The following MTA3 variants were observed in gnomAD, a reference collection of about 807,000 sequenced individuals.
MTA3 encodes the protein metastasis associated 1 family member 3.
Under a neutral mutation model 83.5 loss-of-function variants are expected in MTA3, and 34 were observed. That is an observed-to-expected ratio of 0.41 (90% confidence interval 0.31 to 0.54). The LOEUF is 0.54. MTA3 is among the 20% of genes least tolerant of loss of function. The pLI is 0.33. For synonymous variants in MTA3, 303 were observed against 252.7 expected (o/e 1.20, Z -1.89); for missense variants, 761 against 726.4 (o/e 1.05, Z -0.55).
Position 42,729,092 on chromosome 2 carries a change from T to TGTTTTTTG in MTA3, c.1759+6057_1759+6058insGTTTTTTG, listed in dbSNP as rs1553397736. On this transcript the variant is annotated intron_variant, in intron 16 of 16. Transcript: ENST00000405094. ...TATTAGTTTCACAGTTTGAGTTTTT[T>TGTTTTTTG]TTTTTTTTTTTTTTTTTTTTTCACA... 4.5e-5 allele frequency among the ~76,000 whole-genome samples: 5 copies of TGTTTTTTG among 112,316 alleles called. 1 individual carries two copies. The highest frequency in any genetic ancestry group is 1.8e-4 in the African/African-American group (5 of 27,398). The allele number at this position is 112,316 out of a possible 152,430, so 73.7% of individuals were successfully genotyped here. A position where few individuals can be genotyped will look rare whatever the true frequency, so the allele number is the denominator to read the frequency against.
rs1411157062 is a variant in MTA3 at position 42,691,853 on chromosome 2, C to T, written c.892-3912C>T. Among the ~76,000 whole-genome samples the T allele has an allele frequency of 2.6e-5, 4 of 152,194 alleles. No individual in the cohort carries two copies. The South Asian group carries it at 6.2e-4, about 24-fold the overall frequency. ...ATATGTCGTGCCACTCTCTCCTGGC[C>T]TGTAAGGTTTCCATTGAGAAGTCTG... is the stretch of plus-strand genomic sequence containing the variant. On this transcript the variant is annotated intron_variant, in intron 9 of 16. Coordinates refer to ENST00000405094, the MANE Select transcript of MTA3 (RefSeq NM_001330442.2).
chr2:42,709,327 T>A (rs1457606178), intron 14 of MTA3: 1 of 1,340,092 alleles, frequency 7.5e-7, no homozygotes, highest in Admixed American at 3.6e-5. Context: ...TACCAGAGAG[T>A]AGTGCTTAGC....
chr2:42,693,384 G>C (rs1212141703), intron 9 of MTA3, among the ~76,000 whole-genome samples: 2 of 152,214 alleles, frequency 1.3e-5, no homozygotes, highest in African/African-American at 2.4e-5. Flanking sequence ...CCAGGGATTG[G>C]AGTCAAAAAC....
intron 1 of MTA3, 81 bp downstream of exon 1, chr2:42,568,854 C>T (rs1248826599): frequency 3.3e-6 from 4 of 1,196,500 alleles, no homozygotes; most frequent in Non-Finnish European, 4.2e-6. Flanking sequence ...CGCCAACTGC[C>T]GGGAGCCAAG....
intron 4 of MTA3, among the ~76,000 whole-genome samples, chr2:42,629,825 C>A (rs1686498271): frequency 6.6e-6 from 1 of 151,990 alleles, no homozygotes; most frequent in African/African-American, 2.4e-5. Context: ...GTCTCCCAGG[C>A]TGGAGTTCAG....
chr2:42,724,336 A>ATATTCTTT (rs879913379), intron 16 of MTA3, among the ~76,000 whole-genome samples: 2 of 147,730 alleles, frequency 1.4e-5, no homozygotes, highest in Non-Finnish European at 3.0e-5. Flanking sequence ...ACACACGTAT[A>ATATTCTTT]TATTCTTTTC....
At chr2:42,500,633 T>C (rs1367862177) in intron 2 of MTA3, among the ~76,000 whole-genome samples, 1 of 151,694 alleles carries the variant, frequency 6.6e-6, no homozygotes, top group African/African-American at 2.4e-5. Flanking sequence ...AGGGGAAAAA[T>C]TTTTTCCTCT....
At chr2:42,672,890 A>G (rs1270941437) in intron 8 of MTA3, among the ~76,000 whole-genome samples, 5 of 143,326 alleles carry the variant, frequency 3.5e-5, no homozygotes, top group Admixed American at 1.5e-4. Flanking sequence ...TCTGTCACCC[A>G]GGCTGGAGTG....
At chr2:42,494,733 C>T (rs535027597) in exon 1 of MTA3, 1 of 152,600 alleles carries the variant, frequency 6.6e-6, no homozygotes, top group Non-Finnish European at 1.5e-5. Flanking sequence ...GGAGGAACGC[C>T]TTGTCACCGG....
chr2:42,505,695 T>C (rs769887267), intron 2 of MTA3, among the ~76,000 whole-genome samples: 3 of 151,986 alleles, frequency 2.0e-5, no homozygotes, highest in East Asian at 3.8e-4. Flanking sequence ...ATGTCTGATA[T>C]GTACTTCAGA....
chr2:42,748,046 T>C (rs1436502935), intron 16 of MTA3, among the ~76,000 whole-genome samples: 9 of 152,152 alleles, frequency 5.9e-5, no homozygotes, highest in Admixed American at 3.9e-4. Flanking sequence ...TTTGTTTTTT[T>C]TGAAAGGGAG....
chr2:42,745,149 A>G (rs1669318821), intron 16 of MTA3, among the ~76,000 whole-genome samples: 1 of 152,252 alleles, frequency 6.6e-6, no homozygotes, highest in Non-Finnish European at 1.5e-5. Flanking sequence ...AACTATTTAC[A>G]TATAAATGAA....
chr2:42,505,071 A>G (rs1439715790), intron 2 of MTA3, among the ~76,000 whole-genome samples: 1 of 151,892 alleles, frequency 6.6e-6, no homozygotes, highest in Non-Finnish European at 1.5e-5. Flanking sequence ...TATTACTCCC[A>G]TTTTGCAGAT....
In MTA3 at chr2:42,724,045, C is replaced by T. The variant is rs1238150746; in HGVS notation, c.1759+1010C>T. Among the ~76,000 whole-genome samples, 3 of 152,190 alleles carry T rather than the reference C, an allele frequency of 2.0e-5. No homozygotes were observed. The East Asian group carries it at 5.8e-4, about 29-fold the overall frequency. ...ACCCAGAAGTCTTACAGAAACACTTCCTTTCTAATGAGAACGTTGGCCATC... is the reference window on the plus strand; with the variant it reads ...ACCCAGAAGTCTTACAGAAACACTTTCTTTCTAATGAGAACGTTGGCCATC... On this transcript the variant is annotated intron_variant, in intron 16 of 16. Transcript: ENST00000405094.
intron 4 of MTA3, among the ~76,000 whole-genome samples, chr2:42,622,077 G>C (rs368602179): frequency 6.6e-6 from 1 of 152,284 alleles, no homozygotes; most frequent in African/African-American, 2.4e-5. Flanking sequence ...AGGTTGTAGC[G>C]AGCCGAGATC....
intron 16 of MTA3, among the ~76,000 whole-genome samples, chr2:42,725,036 A>T (rs930737508): frequency 6.6e-6 from 1 of 152,170 alleles, no homozygotes; most frequent in African/African-American, 2.4e-5. Flanking sequence ...CTTCTTTAAG[A>T]CCCATTTGTG....
chr2:42,719,158 A>C, intron 15 of MTA3, 84 bp downstream of exon 15: 2 of 994,958 alleles, frequency 2.0e-6, no homozygotes. Flanking sequence ...GGACATACCT[A>C]AACTAATTCA....
chr2:42,674,116 C>T (rs1188408888), intron 8 of MTA3, among the ~76,000 whole-genome samples: 1 of 152,222 alleles, frequency 6.6e-6, no homozygotes, highest in Non-Finnish European at 1.5e-5. Context: ...GGACAAAACT[C>T]AGTAGCACAA....
chr2:42,577,133 TAA>T (rs757288256), intron 2 of MTA3, among the ~76,000 whole-genome samples: 45,146 of 80,968 alleles, frequency 0.56, 14,495 homozygotes, highest in South Asian at 0.65. Context: ...TATATATATA[TAA>T]AAATGAACTC....
Sources: gnomAD v4.1 joint callset for allele counts (sites outside exome capture counted in the v4.1 genomes callset) on GRCh38, gnomAD v4.1.1 for gene constraint, MANE v1.5 for transcripts, NCBI Gene and HGNC (gene_info 2026-07-23, HGNC 2026-07-21) for gene names.